The following SLC6A11 variants were observed in gnomAD, a reference collection of about 807,000 sequenced individuals.
SLC6A11 encodes solute carrier family 6 member 11, also known as sodium- and chloride-dependent GABA transporter 3.
In SLC6A11, 25 loss-of-function variants were observed where a neutral mutation model predicts 74.8. That is an observed-to-expected ratio of 0.33 (90% CI 0.24 to 0.47). SLC6A11 has a LOEUF of 0.47. Ranked by LOEUF, SLC6A11 falls within the 20% of genes least tolerant of loss-of-function variation. SLC6A11 has a pLI of 1.00. For missense variants in SLC6A11, 574 were observed against 837.0 expected (o/e 0.69, Z 3.88); for synonymous variants, 330 against 330.2 (o/e 1.00, Z 0.01).
chr3:10,912,585 G>A lies in SLC6A11; in HGVS notation c.995+392G>A, dbSNP rs149110651. ...TGCTTCCTGCCCTTCGTACTTGACT[G>A]TAGGGTCATCTTCTGCCCCACCTGG... is the stretch of plus-strand genomic sequence containing the variant. On this transcript the variant is annotated intron_variant, in intron 7 of 13. Coordinates refer to ENST00000254488, the MANE Select transcript of SLC6A11 (RefSeq NM_014229.3). Among the ~76,000 whole-genome samples the A allele has an allele frequency of 4.1e-3, 621 of 152,360 alleles. 4 individuals are homozygous for A. Among genetic ancestry groups the A allele is most frequent in the African/African-American group, 0.014 (589 of 41,588 alleles).
intron 5 of SLC6A11, among the ~76,000 whole-genome samples, chr3:10,859,608 G>T (rs1168517332): frequency 1.3e-5 from 2 of 152,124 alleles, no homozygotes; most frequent in African/African-American, 4.8e-5. Flanking sequence ...ATGTTTCAAG[G>T]TATCCATGAG....
chr3:10,853,103 G>C (rs952737390), intron 5 of SLC6A11, among the ~76,000 whole-genome samples: 2 of 152,146 alleles, frequency 1.3e-5, no homozygotes, highest in Non-Finnish European at 2.9e-5. Context: ...GTGGAGTGTC[G>C]TTACTTGTGA....
chr3:10,899,782 T>C (rs1180317086), intron 6 of SLC6A11, among the ~76,000 whole-genome samples: 5 of 152,230 alleles, frequency 3.3e-5, no homozygotes, highest in Non-Finnish European at 2.9e-5. Context: ...TTGTGTTTGA[T>C]GTGAAGTTTG....
chr3:10,904,499 A>G (rs182056307), intron 6 of SLC6A11, among the ~76,000 whole-genome samples: 1 of 152,304 alleles, frequency 6.6e-6, no homozygotes, highest in Non-Finnish European at 1.5e-5. Flanking sequence ...GCTGCAGAAC[A>G]TGGGGAGTGA....
chr3:10,889,637 G>A (rs1326706796), intron 6 of SLC6A11, among the ~76,000 whole-genome samples: 1 of 152,220 alleles, frequency 6.6e-6, no homozygotes, highest in Non-Finnish European at 1.5e-5. Context: ...GAGCTTGTCA[G>A]ACATGCTGAC....
rs200265613 is a variant in SLC6A11, at chr3:10,816,559, C to T, written c.256+38C>T. ...TGAGGAGAAGGGGAGGGGGCGCCAA[C>T]CGCCCGGTGGGGGCGGGGAGCCAGG... On this transcript the variant is annotated intron_variant, in intron 1 of 13. Transcript: ENST00000254488. The surrounding 1 kb of genome is among the most constrained non-coding windows in gnomAD (Gnocchi z 4.2). 398 of 1,525,304 alleles carry T rather than the reference C, an allele frequency of 2.6e-4. No individual in the cohort carries two copies. Among genetic ancestry groups the T allele is most frequent in the Middle Eastern group, 2.3e-4 (1 of 4,268 alleles). The allele number at this position is 1,525,304 out of a possible 1,614,324, so 94.5% of individuals were successfully genotyped here. A position where few individuals can be genotyped will look rare whatever the true frequency, so the allele number is the denominator to read the frequency against.
Position 10,915,564 on chromosome 3 carries a change from A to T in SLC6A11, c.996-2765A>T, listed in dbSNP as rs549267492. 2.6e-5 allele frequency among the ~76,000 whole-genome samples: 4 copies of T among 152,260 alleles called. No homozygotes were observed. In the East Asian group the frequency reaches 5.8e-4, roughly 22 times the overall value. Reference sequence around the variant, plus strand: ...GCACTGTTACATAAGCGTTTTACCTAGACGTGGGAGCTGGGGAAGGAATTA... The same window carrying T: ...GCACTGTTACATAAGCGTTTTACCTTGACGTGGGAGCTGGGGAAGGAATTA... On this transcript the variant is annotated intron_variant, in intron 7 of 13. Transcript: ENST00000254488. This position sits in a 1 kb window ranked among gnomAD's most constrained non-coding sequence, Gnocchi z 4.3.
At chr3:10,836,353 T>C (rs964710888) in intron 4 of SLC6A11, among the ~76,000 whole-genome samples, 11 of 152,256 alleles carry the variant, frequency 7.2e-5, no homozygotes, top group African/African-American at 2.4e-4. Context: ...TTTGAACATA[T>C]GTTTATTCTC....
chr3:10,853,640 C>CTTCTTCGTCACTGGGG (rs1238319803), intron 5 of SLC6A11, among the ~76,000 whole-genome samples: 3 of 152,234 alleles, frequency 2.0e-5, no homozygotes, highest in Non-Finnish European at 4.4e-5. Flanking sequence ...ACAGGCAGAA[C>CTTCTTCGTCACTGGGG]TTCTTCGTCA....
At chr3:10,879,217 G>A (rs11926965) in intron 6 of SLC6A11, among the ~76,000 whole-genome samples, 5,675 of 152,220 alleles carry the variant, frequency 0.037, 360 homozygotes, top group African/African-American at 0.13. Context: ...CTCTGTCAGC[G>A]ATGGCTAGGA....
intron 4 of SLC6A11, among the ~76,000 whole-genome samples, chr3:10,839,968 C>A (rs1297587915): frequency 6.6e-6 from 1 of 152,128 alleles, no homozygotes; most frequent in Non-Finnish European, 1.5e-5. Flanking sequence ...CCATTCCTCT[C>A]CAGGACTATT....
rs564871824 is a variant in SLC6A11, at chr3:10,816,682, G to A, written c.256+161G>A. 1.5e-3 allele frequency among the ~76,000 whole-genome samples: 223 copies of A among 152,324 alleles called. No individual in the cohort carries two copies. Among genetic ancestry groups the A allele is most frequent in the African/African-American group, 5.1e-3 (214 of 41,578 alleles). On this transcript the variant is annotated intron_variant, in intron 1 of 13. Coordinates refer to ENST00000254488, the MANE Select transcript of SLC6A11 (RefSeq NM_014229.3). This position sits in a 1 kb window ranked among gnomAD's most constrained non-coding sequence, Gnocchi z 4.2. Reference sequence around the variant, plus strand: ...CGCGTGTGAGCTCGCCCCGGAGCGCGGCCCACCTGTGCCAGTGCGCACGCG... The same window carrying A: ...CGCGTGTGAGCTCGCCCCGGAGCGCAGCCCACCTGTGCCAGTGCGCACGCG...
At chr3:10,878,578 TA>T (rs1694938944) in intron 6 of SLC6A11, among the ~76,000 whole-genome samples, 1 of 107,814 alleles carries the variant, frequency 9.3e-6, no homozygotes, top group South Asian at 3.0e-4. Context: ...CTAATGTTTG[TA>T]TTTTTTTTTT....
intron 3 of SLC6A11, among the ~76,000 whole-genome samples, chr3:10,820,681 G>A (rs1348436242): frequency 6.6e-6 from 1 of 152,114 alleles, no homozygotes; most frequent in Admixed American, 6.5e-5. Context: ...TCCAAGAAAG[G>A]CATATCCCTG....
At chr3:10,921,033 TC>T (rs1695530945) in intron 8 of SLC6A11, among the ~76,000 whole-genome samples, 1 of 152,208 alleles carries the variant, frequency 6.6e-6, no homozygotes, top group South Asian at 2.1e-4. Context: ...GCCAGAACAC[TC>T]AGTGGGATGT....
At chr3:10,852,894 T>C (rs747551231) in intron 5 of SLC6A11, among the ~76,000 whole-genome samples, 3 of 152,162 alleles carry the variant, frequency 2.0e-5, no homozygotes. Context: ...TGATTAGCTC[T>C]CAGGAACTGG....
chr3:10,899,732 A>G (rs568840371), intron 6 of SLC6A11, among the ~76,000 whole-genome samples: 2 of 152,110 alleles, frequency 1.3e-5, no homozygotes, highest in Non-Finnish European at 2.9e-5. Flanking sequence ...ACTTATCTCC[A>G]TCAGTATGGT....
At chr3:10,919,729 G>A (rs972783742) in intron 8 of SLC6A11, among the ~76,000 whole-genome samples, 6 of 152,176 alleles carry the variant, frequency 3.9e-5, no homozygotes, top group Admixed American at 6.5e-5. Context: ...GCTCTCAATC[G>A]CTGGGCACCT....
Position 10,934,148 on chromosome 3 carries a change from G to A in SLC6A11, c.1557G>A (p.Met519Ile), listed in dbSNP as rs1357172717. ...PSLIKWCWMIMTPGICAGIFI... is the reference protein window; with the variant it reads ...PSLIKWCWMIITPGICAGIFI... ...TCATTAAGTGGTGCTGGATGATCAT[G>A]ACCCCTGGGATCTGCGCGGTAAGGG... Residue 519 changes from methionine to isoleucine, a missense_variant, in exon 12 of 14, where the codon ATG becomes ATA. By Grantham distance (10) the Met-to-Ile change is conservative (BLOSUM62 1). Coordinates refer to ENST00000254488, the MANE Select transcript of SLC6A11 (RefSeq NM_014229.3). 6.2e-7 allele frequency: 1 copy of A among 1,612,866 alleles called. No individual in the cohort carries two copies. Among genetic ancestry groups the A allele is most frequent in the Non-Finnish European group, 8.5e-7 (1 of 1,178,900 alleles).
Sources: gnomAD v4.1 joint callset for allele counts (sites outside exome capture counted in the v4.1 genomes callset) on GRCh38, gnomAD v4.1.1 for gene constraint, Gnocchi (gnomAD v3.1) non-coding constraint, MANE v1.5 for transcripts, NCBI Gene and HGNC (gene_info 2026-07-23, HGNC 2026-07-21) for gene names.